GPM6A: variants seen among roughly 807,000 people sequenced by gnomAD.
GPM6A encodes the protein neuronal membrane glycoprotein M6-a.
Under a neutral mutation model 32.1 loss-of-function variants are expected in GPM6A, and 7 were observed. The ratio of observed to expected loss-of-function variants is 0.22; its 90% CI spans 0.12 to 0.41. GPM6A has a LOEUF of 0.41. Ranked by LOEUF, GPM6A falls within the 10% of genes least tolerant of loss-of-function variation. The pLI is 1.00. For missense variants in GPM6A, 235 were observed against 347.2 expected (o/e 0.68, Z 2.57); for synonymous variants, 130 against 123.4 (o/e 1.05, Z -0.35).
intron 2 of GPM6A, among the ~76,000 whole-genome samples, chr4:175,686,391 G>A (rs1216681520): frequency 1.6e-4 from 25 of 152,176 alleles, no homozygotes; most frequent in Non-Finnish European, 1.5e-5. Context: ...AACTTTCATG[G>A]CATAAATTGT....
intron 1 of GPM6A, among the ~76,000 whole-genome samples, chr4:175,943,230 T>G (rs1008569693): frequency 6.6e-6 from 1 of 152,234 alleles, no homozygotes; most frequent in South Asian, 2.1e-4. Context: ...TACATTGATT[T>G]TGTATCCTGA....
At chr4:175,960,350 A>G (rs1740126639) in intron 1 of GPM6A, among the ~76,000 whole-genome samples, 1 of 152,212 alleles carries the variant, frequency 6.6e-6, no homozygotes, top group Non-Finnish European at 1.5e-5. Flanking sequence ...TCAAGCTCAT[A>G]ATTCTAAATT....
At position 175,961,913 on chromosome 4, in the gene GPM6A, C is replaced by A. The variant is rs550963631; in HGVS notation, c.-23+40396G>T. 11 of 322,110 alleles carry A rather than the reference C, an allele frequency of 3.4e-5. No individual in the cohort carries two copies. The East Asian group carries it at 6.9e-4, about 20-fold the overall frequency. The allele number at this position is 322,110 out of a possible 1,614,324, so 20.0% of individuals were successfully genotyped here. A position where few individuals can be genotyped will look rare whatever the true frequency, so the allele number is the denominator to read the frequency against. Reference sequence around the variant, plus strand: ...CCAAGGGCACAGGCTCAGTAAAAAACTGAGTCCTAATTACAGGACAGGACA... The same window carrying A: ...CCAAGGGCACAGGCTCAGTAAAAAAATGAGTCCTAATTACAGGACAGGACA... On this transcript the variant is annotated intron_variant, in intron 1 of 7. Transcript: ENST00000280187.
At chr4:175,848,172 C>T (rs73008159) in intron 1 of GPM6A, among the ~76,000 whole-genome samples, 4,369 of 152,190 alleles carry the variant, frequency 0.029, 188 homozygotes, top group African/African-American at 0.096. Context: ...AGTGACTCTC[C>T]GCATTCTAGC....
chr4:175,687,927 A>G (rs958519911), intron 2 of GPM6A, among the ~76,000 whole-genome samples: 2 of 152,176 alleles, frequency 1.3e-5, no homozygotes, highest in Admixed American at 6.6e-5. Flanking sequence ...TGCACTTCCC[A>G]GATGGTTAGT....
intron 1 of GPM6A, among the ~76,000 whole-genome samples, chr4:175,938,719 A>T (rs1008524272): frequency 8.0e-5 from 11 of 136,978 alleles, no homozygotes; most frequent in South Asian, 2.3e-4. Flanking sequence ...TAAAATAAAA[A>T]TTTTTTTAAA....
At chr4:175,654,871 T>C (rs1475039584) in intron 3 of GPM6A, among the ~76,000 whole-genome samples, 1 of 152,114 alleles carries the variant, frequency 6.6e-6, no homozygotes, top group Admixed American at 6.6e-5. Context: ...AACTCTAAAA[T>C]CCATGGAAGA....
chr4:175,668,519 ATG>A (rs56106172), intron 3 of GPM6A, among the ~76,000 whole-genome samples: 5 of 139,326 alleles, frequency 3.6e-5, no homozygotes, highest in African/African-American at 7.7e-5. Flanking sequence ...TCAAACGTTT[ATG>A]TGTGTGTGTG....
chr4:175,898,481 A>G (rs1737860396), intron 1 of GPM6A, among the ~76,000 whole-genome samples: 2 of 152,106 alleles, frequency 1.3e-5, no homozygotes, highest in East Asian at 3.9e-4. Flanking sequence ...GTTGATACCC[A>G]TGTAGATTCA....
At chr4:175,819,712 C>T (rs1262139367) in intron 1 of GPM6A, among the ~76,000 whole-genome samples, 1 of 152,172 alleles carries the variant, frequency 6.6e-6, no homozygotes, top group African/African-American at 2.4e-5. Flanking sequence ...CTTTGAACCA[C>T]CTGGATATCC....
intron 1 of GPM6A, among the ~76,000 whole-genome samples, chr4:175,985,826 G>T (rs929902050): frequency 1.4e-4 from 21 of 150,786 alleles, no homozygotes; most frequent in African/African-American, 5.1e-4. Flanking sequence ...TTTTTTCTGA[G>T]ATGGAGTCTT....
At chr4:175,814,257 G>A (rs1010779238), upstream of GPM6A, among the ~76,000 whole-genome samples, 8 of 152,104 alleles carry the variant, frequency 5.3e-5, no homozygotes, top group African/African-American at 1.9e-4. Flanking sequence ...TAAGTCAAAT[G>A]GGAAAAGCAT....
chr4:175,917,534 C>CT (rs1021504309), intron 1 of GPM6A, among the ~76,000 whole-genome samples: 1 of 152,194 alleles, frequency 6.6e-6, no homozygotes, highest in African/African-American at 2.4e-5. Context: ...CAGAAACAGG[C>CT]TGACTGGATT....
intron 1 of GPM6A, among the ~76,000 whole-genome samples, chr4:175,984,415 G>A (rs1164313833): frequency 6.6e-6 from 1 of 152,054 alleles, no homozygotes; most frequent in Non-Finnish European, 1.5e-5. Flanking sequence ...TACCCACCTT[G>A]GCCTCCCAAA....
intron 1 of GPM6A, among the ~76,000 whole-genome samples, chr4:175,753,888 C>T (rs1732431829): frequency 6.6e-6 from 1 of 152,080 alleles, no homozygotes; most frequent in Admixed American, 6.6e-5. Flanking sequence ...TTTAGGTGCT[C>T]CATCATCTAC....
chr4:175,805,726 C>T (rs554207630), intron 1 of GPM6A, among the ~76,000 whole-genome samples: 16 of 152,166 alleles, frequency 1.1e-4, no homozygotes, highest in African/African-American at 3.4e-4. Flanking sequence ...TAATACACAT[C>T]ATTTAAAAGC....
upstream of GPM6A, chr4:175,812,276 C>A: frequency 1.8e-6 from 2 of 1,127,918 alleles, no homozygotes; most frequent in South Asian, 1.7e-5. Context: ...ATCAAAAGCT[C>A]AATTAGATGT....
intron 1 of GPM6A, among the ~76,000 whole-genome samples, chr4:175,708,403 G>A (rs999393656): frequency 2.6e-4 from 20 of 77,778 alleles, no homozygotes; most frequent in African/African-American, 8.8e-4. Flanking sequence ...TTATTTATTT[G>A]AGATGGAGTT....
At chr4:175,888,688 G>T (rs1737539356) in intron 1 of GPM6A, among the ~76,000 whole-genome samples, 1 of 152,032 alleles carries the variant, frequency 6.6e-6, no homozygotes, top group Non-Finnish European at 1.5e-5. Flanking sequence ...GAACAGAAAT[G>T]TCTTAAATAA....
Sources: gnomAD v4.1 joint callset for allele counts (sites outside exome capture counted in the v4.1 genomes callset) on GRCh38, gnomAD v4.1.1 for gene constraint, MANE v1.5 for transcripts, NCBI Gene and HGNC (gene_info 2026-07-23, HGNC 2026-07-21) for gene names.